OPRL1: variants seen among roughly 807,000 people sequenced by gnomAD.
The protein encoded by OPRL1 is opioid related nociceptin receptor 1.
A neutral mutation model predicts 15.5 loss-of-function variants in OPRL1; 5 were observed. The observed-to-expected ratio is 0.32, with a 90% CI of 0.17 to 0.68. OPRL1 has a LOEUF of 0.68. OPRL1 is among the 30% of genes least tolerant of loss of function. The pLI is 0.72. For synonymous variants in OPRL1, 223 were observed against 230.2 expected (o/e 0.97, Z 0.28); for missense variants, 406 against 515.3 (o/e 0.79, Z 2.05).
rs754188071 is a variant in OPRL1, at chr20:64,092,762, C to T, written c.42C>T (p.Tyr14=). 3.1e-5 allele frequency: 50 copies of T among 1,612,610 alleles called. No individual in the cohort carries two copies. Among genetic ancestry groups the T allele is most frequent in the Admixed American group, 1.0e-4 (6 of 60,008 alleles). The change falls in exon 3 of 5, where the codon TAC becomes TAT. Residue 14 remains tyrosine (Y), a synonymous_variant. Transcript: ENST00000336866. ...CCGCGCCGTTCTGGGAGGTTATCTA[C>T]GGCAGCCACCTTCAGGGCAACCTGT... ...LFPAPFWEVI[Y]GSHLQGNLSL... is the part of the protein sequence containing the mutation.
chr20:64,086,205 T>C (rs918704125), intron 1 of OPRL1, among the ~76,000 whole-genome samples: 4 of 152,086 alleles, frequency 2.6e-5, no homozygotes, highest in Admixed American at 6.5e-5. Context: ...GACACATGGG[T>C]GGGGCACTTT....
intron 1 of OPRL1, among the ~76,000 whole-genome samples, chr20:64,087,033 G>A (rs1159024082): frequency 6.6e-6 from 1 of 152,226 alleles, no homozygotes; most frequent in Non-Finnish European, 1.5e-5. Context: ...TCTCACCCCG[G>A]AACCCAGGCC....
At chr20:64,084,704 A>G (rs2060023530) in intron 1 of OPRL1, among the ~76,000 whole-genome samples, 2 of 152,134 alleles carry the variant, frequency 1.3e-5, no homozygotes, top group Non-Finnish European at 2.9e-5. Context: ...AGCAGAGCCT[A>G]GAGGGCAGGT....
At position 64,098,722 on chromosome 20, in the gene OPRL1, T is replaced by A. The variant is rs373721140; in HGVS notation, c.1036T>A (p.Ser346Thr). The change falls in exon 5 of 5, where the codon TCT (serine) becomes ACT (threonine). Residue 346 changes from serine to threonine, a missense_variant. Ser to Thr is a moderately conservative substitution (Grantham distance 58). Transcript: ENST00000336866. ...TGCCCTGCGCCGGGACGTGCAGGTG[T>A]CTGACCGCGTGCGCAGCATTGCCAA... is the stretch of plus-strand genomic sequence containing the variant. ...ASALRRDVQV[S>T]DRVRSIAKDV... 98 of 1,611,990 alleles carry A rather than the reference T, an allele frequency of 6.1e-5. No homozygotes were observed. The highest frequency in any genetic ancestry group is 6.9e-5 in the Non-Finnish European group (81 of 1,179,960).
At position 64,098,052 on chromosome 20, in the gene OPRL1, C is replaced by T. The variant is rs1436063283; in HGVS notation, c.484C>T (p.Arg162Cys). The change falls in exon 4 of 5, where the codon CGC becomes TGC. Residue 162 changes from arginine (R) to cysteine (C), a missense_variant. Arg to Cys is a radical substitution (Grantham distance 180). Transcript: ENST00000336866. The stretch of plus-strand genomic sequence containing the variant: ...CCACCCCATCCGTGCCCTCGACGTC[C>T]GCACGTCCAGCAAAGCCCAGGCTGT... ...ICHPIRALDVRTSSKAQAVNV... is the reference protein window; with the variant it reads ...ICHPIRALDVCTSSKAQAVNV... The T allele has an allele frequency of 2.2e-5, 36 of 1,613,356 alleles. No homozygotes were observed. Among genetic ancestry groups the T allele is most frequent in the East Asian group, 6.7e-5 (3 of 44,896 alleles).
Position 64,088,728 on chromosome 20 carries a change from G to A in OPRL1, c.-184-3238G>A, listed in dbSNP as rs1569271872. Among the ~76,000 whole-genome samples the A allele has an allele frequency of 1.9e-3, 61 of 32,846 alleles. 3 individuals carry two copies. The highest frequency in any genetic ancestry group is 2.4e-3 in the African/African-American group (21 of 8,904). The allele number at this position is 32,846 out of a possible 152,430, so 21.5% of individuals were successfully genotyped here. ...GGTCTGTGCAGAGTGGCCAGGATCTGTGCAAGGGGTAGGATCTGTGCAGAG... is the reference window on the plus strand; with the variant it reads ...GGTCTGTGCAGAGTGGCCAGGATCTATGCAAGGGGTAGGATCTGTGCAGAG... On this transcript the variant is annotated intron_variant, in intron 1 of 4. Coordinates refer to ENST00000336866, the MANE Select transcript of OPRL1 (RefSeq NM_182647.4).
chr20:64,098,915 A>C lies in OPRL1; in HGVS notation c.*116A>C. ...GACACACCCTGGGCCCTGAGCATCCAGAGCCTGGGATGGGCTTTTCCCTGT... is the reference window on the plus strand; with the variant it reads ...GACACACCCTGGGCCCTGAGCATCCCGAGCCTGGGATGGGCTTTTCCCTGT... On this transcript the variant is annotated 3_prime_UTR_variant, in exon 5 of 5. Coordinates refer to ENST00000336866, the MANE Select transcript of OPRL1 (RefSeq NM_182647.4). 4 of 1,365,464 alleles carry C rather than the reference A, an allele frequency of 2.9e-6. No individual in the cohort carries two copies. Among genetic ancestry groups the C allele is most frequent in the Non-Finnish European group, 3.9e-6 (4 of 1,031,764 alleles). 84.6% of individuals were successfully genotyped at this position (1,365,464 alleles called of 1,614,324 possible).
In OPRL1 at chr20:64,097,790, T is replaced by C. The variant is rs201903712; in HGVS notation, c.234-12T>C. Reference sequence around the variant, plus strand: ...GGCCAAGTGAAGCCTTTCTTCTCCCTCTACTCCGCAGGCACACCAAAATGA... The same window carrying C: ...GGCCAAGTGAAGCCTTTCTTCTCCCCCTACTCCGCAGGCACACCAAAATGA... On this transcript the variant is annotated splice_polypyrimidine_tract_variant and intron_variant, in intron 3 of 4. Coordinates refer to ENST00000336866, the MANE Select transcript of OPRL1 (RefSeq NM_182647.4). The surrounding 1 kb of genome is among the most constrained non-coding windows in gnomAD (Gnocchi z 4.2). 6 of 1,606,934 alleles carry C rather than the reference T, an allele frequency of 3.7e-6. No individual in the cohort carries two copies. The Admixed American group carries it at 1.0e-4, about 27-fold the overall frequency.
intron 1 of OPRL1, among the ~76,000 whole-genome samples, chr20:64,086,919 G>T (rs183087832): frequency 4.6e-5 from 7 of 152,210 alleles, no homozygotes; most frequent in South Asian, 2.1e-4. Flanking sequence ...GGGTGGGAGT[G>T]GGGAGGACAA....
chr20:64,095,586 A>T (rs887212954), intron 3 of OPRL1, among the ~76,000 whole-genome samples: 17 of 149,858 alleles, frequency 1.1e-4, no homozygotes, highest in Non-Finnish European at 3.0e-5. Context: ...GGTTGGGGGA[A>T]CTCTGTTCTT....
intron 1 of OPRL1, chr20:64,084,174 G>A: frequency 6.9e-7 from 1 of 1,449,758 alleles, no homozygotes; most frequent in South Asian, 1.4e-5. Context: ...TTCCCGCTTC[G>A]CTCCCGCGGG....
rs141956480 is a variant in OPRL1 at position 64,099,591 on chromosome 20, C to T, written c.*792C>T. The T allele has an allele frequency of 2.6e-5, 4 of 152,826 alleles. No individual in the cohort carries two copies. The highest frequency in any genetic ancestry group is 5.8e-5 in the Non-Finnish European group (4 of 68,424). The allele number at this position is 152,826 out of a possible 1,614,324, so 9.5% of individuals were successfully genotyped here. A position where few individuals can be genotyped will look rare whatever the true frequency, so the allele number is the denominator to read the frequency against. On this transcript the variant is annotated 3_prime_UTR_variant, in exon 5 of 5. Transcript: ENST00000336866. ...TGACTCTGGGCCCAACCCCCATTTC[C>T]CTTCAGGAGACCAGCGAGAGGCCCT...
At chr20:64,086,294 C>T (rs2060050039) in intron 1 of OPRL1, among the ~76,000 whole-genome samples, 1 of 152,218 alleles carries the variant, frequency 6.6e-6, no homozygotes, top group Non-Finnish European at 1.5e-5. Flanking sequence ...GGCTTGTAAC[C>T]TCTTTTTATA....
At chr20:64,088,700 C>T (rs2060083367) in intron 1 of OPRL1, among the ~76,000 whole-genome samples, 4 of 111,818 alleles carry the variant, frequency 3.6e-5, no homozygotes, top group Non-Finnish European at 5.6e-5. Flanking sequence ...GCAGGGAGGC[C>T]AGGGTCTGTG....
Position 64,083,706 on chromosome 20 carries a change from C to A in OPRL1, c.-185+3354C>A. ...GGATGAGCAGCGCGATCTCCTCGGC[C>A]TGCGGGGCCCGGGTAGCTGAGCGCG... On this transcript the variant is annotated intron_variant, in intron 1 of 4. Coordinates refer to ENST00000336866, the MANE Select transcript of OPRL1 (RefSeq NM_182647.4). The surrounding 1 kb of genome is among the most constrained non-coding windows in gnomAD (Gnocchi z 4.9). 1 of 1,383,958 alleles carries A rather than the reference C, an allele frequency of 7.2e-7. No individual in the cohort carries two copies. Among genetic ancestry groups the A allele is most frequent in the Non-Finnish European group, 9.3e-7 (1 of 1,078,116 alleles). 85.7% of individuals were successfully genotyped at this position (1,383,958 alleles called of 1,614,324 possible).
intron 3 of OPRL1, among the ~76,000 whole-genome samples, chr20:64,096,386 C>T (rs1445616146): frequency 6.6e-6 from 1 of 152,144 alleles, no homozygotes; most frequent in Non-Finnish European, 1.5e-5. Flanking sequence ...CTGCTTTTTA[C>T]CAGCTCTAAG....
In OPRL1 at chr20:64,086,335, A is replaced by G. The variant is rs953256957; in HGVS notation, c.-184-5631A>G. Among the ~76,000 whole-genome samples the G allele has an allele frequency of 9.2e-5, 14 of 152,314 alleles. No homozygotes were observed. The South Asian group carries it at 2.1e-3, about 23-fold the overall frequency. ...GGAAAACCTTGACACCCCCTAGTCC[A>G]TAATTTGCAGCAGGTACTCCCAGGG... On this transcript the variant is annotated intron_variant, in intron 1 of 4. Coordinates refer to ENST00000336866, the MANE Select transcript of OPRL1 (RefSeq NM_182647.4).
chr20:64,093,515 C>T (rs1290450206), intron 3 of OPRL1, among the ~76,000 whole-genome samples: 1 of 1,748 alleles, frequency 5.7e-4, no homozygotes, highest in Admixed American at 5.5e-3. Flanking sequence ...GTGTGGGGGG[C>T]GGTGTGTGGG....
chr20:64,083,521 G>A lies in OPRL1; in HGVS notation c.-185+3169G>A, dbSNP rs1183136594. 6.4e-7 allele frequency: 1 copy of A among 1,572,358 alleles called. No homozygotes were observed. The highest frequency in any genetic ancestry group is 8.6e-7 in the Non-Finnish European group (1 of 1,159,814). ...TGCCGGGGAGAGAGGCTGGGGTCCG[G>A]CGTGTGCGGAGGCGGGCAGGGCCCC... On this transcript the variant is annotated intron_variant, in intron 1 of 4. Coordinates refer to ENST00000336866, the MANE Select transcript of OPRL1 (RefSeq NM_182647.4). This position sits in a 1 kb window ranked among gnomAD's most constrained non-coding sequence, Gnocchi z 4.9.
Sources: allele counts gnomAD v4.1 joint callset (sites outside exome capture counted in the v4.1 genomes callset), GRCh38; gene constraint gnomAD v4.1.1; non-coding constraint Gnocchi (gnomAD v3.1); transcripts MANE v1.5; gene names NCBI Gene and HGNC (gene_info 2026-07-23, HGNC 2026-07-21).